Variants in MARCHF1 observed in about 807,000 individuals in gnomAD.
MARCHF1 encodes the protein membrane associated ring-CH-type finger 1.
Under a neutral mutation model 54.2 loss-of-function variants are expected in MARCHF1, and 40 were observed. The ratio of observed to expected loss-of-function variants is 0.74; its 90% confidence interval spans 0.57 to 0.96. The LOEUF is 0.96. Ranked by LOEUF, MARCHF1 falls within the 40% of genes least tolerant of loss-of-function variation. MARCHF1 has a pLI of 0.00. For synonymous variants in MARCHF1, 236 were observed against 236.3 expected (o/e 1.00, Z 0.01); for missense variants, 586 against 656.5 (o/e 0.89, Z 1.17).
intron 1 of MARCHF1, among the ~76,000 whole-genome samples, chr4:164,247,567 A>G (rs4259019): frequency 6.8e-6 from 1 of 146,110 alleles, no homozygotes; most frequent in Non-Finnish European, 1.5e-5. Flanking sequence ...TGTAACTAAC[A>G]TGCACAATGT....
At chr4:163,746,854 T>C (rs1746377302) in intron 4 of MARCHF1, among the ~76,000 whole-genome samples, 1 of 152,214 alleles carries the variant, frequency 6.6e-6, no homozygotes, top group Admixed American at 6.5e-5. Context: ...CATCATTGTG[T>C]ATCAGCAGTG....
At chr4:164,069,663 G>A (rs960474300) in intron 2 of MARCHF1, among the ~76,000 whole-genome samples, 4 of 151,896 alleles carry the variant, frequency 2.6e-5, no homozygotes, top group Non-Finnish European at 4.4e-5. Flanking sequence ...CTTTGGACAC[G>A]CCACCTTTAA....
intron 2 of MARCHF1, among the ~76,000 whole-genome samples, chr4:164,050,759 C>G (rs1360050788): frequency 6.6e-6 from 1 of 152,060 alleles, no homozygotes; most frequent in Non-Finnish European, 1.5e-5. Flanking sequence ...ATGGAGAAAC[C>G]CTGTCTCTAC....
chr4:164,003,185 A>AT (rs997283293), intron 2 of MARCHF1, among the ~76,000 whole-genome samples: 6 of 151,984 alleles, frequency 3.9e-5, no homozygotes, highest in African/African-American at 1.4e-4. Context: ...GGAAATCACC[A>AT]TAAAAAATTA....
At chr4:163,730,016 C>A (rs1435716864) in intron 4 of MARCHF1, among the ~76,000 whole-genome samples, 1 of 151,964 alleles carries the variant, frequency 6.6e-6, no homozygotes, top group Non-Finnish European at 1.5e-5. Context: ...TCTCTGTGCT[C>A]TTTTTGTGTG....
At chr4:163,806,007 C>A (rs1285019778) in intron 4 of MARCHF1, among the ~76,000 whole-genome samples, 1 of 152,184 alleles carries the variant, frequency 6.6e-6, no homozygotes, top group Non-Finnish European at 1.5e-5. Context: ...ATCCTCTACA[C>A]TTGGATCTGC....
At chr4:163,550,787 C>A (rs1739085340) in intron 8 of MARCHF1, among the ~76,000 whole-genome samples, 1 of 152,170 alleles carries the variant, frequency 6.6e-6, no homozygotes, top group Non-Finnish European at 1.5e-5. Flanking sequence ...GGAGAAATTT[C>A]TAGAGGACCC....
intron 2 of MARCHF1, among the ~76,000 whole-genome samples, chr4:164,105,931 C>T (rs1433727728): frequency 4.8e-5 from 7 of 146,638 alleles, no homozygotes; most frequent in Admixed American, 6.7e-5. Flanking sequence ...AAAAAACAAA[C>T]AACCCCATCA....
chr4:163,892,074 A>C (rs1490888912), intron 3 of MARCHF1, among the ~76,000 whole-genome samples: 1 of 152,180 alleles, frequency 6.6e-6, no homozygotes, highest in Non-Finnish European at 1.5e-5. Flanking sequence ...ATTTAATTTT[A>C]AATATGTAGA....
intron 1 of MARCHF1, among the ~76,000 whole-genome samples, chr4:164,123,037 G>T (rs1442128463): frequency 6.6e-6 from 1 of 152,098 alleles, no homozygotes; most frequent in South Asian, 2.1e-4. Context: ...GTTTTCAGAT[G>T]ATATGATCTT....
intron 2 of MARCHF1, among the ~76,000 whole-genome samples, chr4:164,007,646 CTGTGTGTG>C (rs70948688): frequency 0.025 from 3,563 of 139,884 alleles, 59 homozygotes; most frequent in East Asian, 0.068. Context: ...CTCTCTCTCT[CTGTGTGTG>C]TGTGTGTGTG....
chr4:164,178,179 A>G (rs1730740315), intron 1 of MARCHF1, among the ~76,000 whole-genome samples: 1 of 152,194 alleles, frequency 6.6e-6, no homozygotes, highest in African/African-American at 2.4e-5. Flanking sequence ...AAGTTACATC[A>G]TCTTGTTTGT....
rs56936775 is a variant in MARCHF1 at position 164,346,604 on chromosome 4, GTATATATATATATA to G, written c.-323+37252_-323+37265del. ...TGTCCTCAAACCTGTATGTATGTAT[GTATATATATATATA>G]TATATATATATATATATATATATAT... On this transcript the variant is annotated intron_variant, in intron 1 of 9. Coordinates refer to ENST00000514618, the MANE Select transcript of MARCHF1 (RefSeq NM_001394959.1). Among the ~76,000 whole-genome samples the G allele has an allele frequency of 4.4e-3, 187 of 42,534 alleles. 7 individuals are homozygous for G. Among genetic ancestry groups the G allele is most frequent in the Middle Eastern group, 0.028 (2 of 72 alleles). The allele number at this position is 42,534 out of a possible 152,430, so 27.9% of individuals were successfully genotyped here.
At chr4:164,135,751 A>G (rs929716383) in intron 1 of MARCHF1, among the ~76,000 whole-genome samples, 1 of 152,260 alleles carries the variant, frequency 6.6e-6, no homozygotes, top group Non-Finnish European at 1.5e-5. Flanking sequence ...GCATAACTGC[A>G]TTTGATACTG....
At chr4:163,910,455 C>T (rs1751165362) in intron 3 of MARCHF1, among the ~76,000 whole-genome samples, 1 of 152,042 alleles carries the variant, frequency 6.6e-6, no homozygotes, top group African/African-American at 2.4e-5. Flanking sequence ...ATTCAAGTGA[C>T]CCCAGTTTTT....
At chr4:163,857,108 A>G (rs555208615) in intron 3 of MARCHF1, among the ~76,000 whole-genome samples, 12 of 140,182 alleles carry the variant, frequency 8.6e-5, no homozygotes, top group African/African-American at 3.1e-4. Context: ...GGAGAGAGAG[A>G]AAAAAAAAAA....
intron 1 of MARCHF1, among the ~76,000 whole-genome samples, chr4:164,151,864 G>C (rs189489404): frequency 8.4e-4 from 128 of 152,028 alleles, no homozygotes; most frequent in African/African-American, 2.9e-3. Context: ...TGTGTTTATA[G>C]AACTGCAGCT....
chr4:164,267,752 G>A lies in MARCHF1; in HGVS notation c.-323+116118C>T, dbSNP rs185930715. The stretch of plus-strand genomic sequence containing the variant: ...AGTACTACACCTTCAGTGAGCATGT[G>A]TACTAGAAATTAAAAAAATAAATAA... On this transcript the variant is annotated intron_variant, in intron 1 of 9. Coordinates refer to ENST00000514618, the MANE Select transcript of MARCHF1 (RefSeq NM_001394959.1). 3.7e-3 allele frequency among the ~76,000 whole-genome samples: 565 copies of A among 152,176 alleles called. 1 individual carries two copies. Among genetic ancestry groups the A allele is most frequent in the African/African-American group, 0.013 (519 of 41,502 alleles).
intron 1 of MARCHF1, among the ~76,000 whole-genome samples, chr4:164,318,995 A>G (rs922693226): frequency 1.2e-4 from 18 of 152,194 alleles, no homozygotes; most frequent in African/African-American, 4.1e-4. Context: ...ACAGAGTTAA[A>G]GAACCTCTTC....
Sources: gnomAD v4.1 joint callset for allele counts (sites outside exome capture counted in the v4.1 genomes callset) on GRCh38, gnomAD v4.1.1 for gene constraint, MANE v1.5 for transcripts, NCBI Gene and HGNC (gene_info 2026-07-23, HGNC 2026-07-21) for gene names.